MROH2A: variants seen among roughly 807,000 people sequenced by gnomAD.
MROH2A encodes the protein maestro heat like repeat family member 2A, also known as maestro heat-like repeat-containing protein family member 2A.
A neutral mutation model predicts 200.4 loss-of-function variants in MROH2A; 174 were observed. The ratio of observed to expected loss-of-function variants is 0.87; its 90% CI spans 0.77 to 0.98. The LOEUF is 0.98. MROH2A is among the 50% of genes least tolerant of loss of function. The pLI, the probability that MROH2A is intolerant of heterozygous loss-of-function variation, is 0.00. For missense variants in MROH2A, 2,045 were observed against 2,139.6 expected (o/e 0.96, Z 0.87); for synonymous variants, 829 against 840.4 (o/e 0.99, Z 0.23).
chr2:233,801,620 C>G (rs563585193), intron 14 of MROH2A, among the ~76,000 whole-genome samples: 1 of 152,154 alleles, frequency 6.6e-6, no homozygotes, highest in Non-Finnish European at 1.5e-5. Flanking sequence ...GAAATCCCAG[C>G]GTTTCACTCT....
chr2:233,788,723 G>T (rs550868399), intron 3 of MROH2A, among the ~76,000 whole-genome samples: 1 of 151,828 alleles, frequency 6.6e-6, no homozygotes, highest in East Asian at 1.9e-4. Flanking sequence ...AGATCACGAG[G>T]TCAGGAGATG....
Position 233,798,843 on chromosome 2 carries a change from G to C in MROH2A, c.1322G>C (p.Arg441Pro), listed in dbSNP as rs771127390. 3.9e-6 allele frequency: 6 copies of C among 1,549,976 alleles called. No homozygotes were observed. The African/African-American group carries it at 6.8e-5, about 18-fold the overall frequency. ...GTCAAGAACACCATCTCTGATACCC[G>C]GTCCAAGGTAACAGGGCAGAGACCT... ...RVVKNTISDTRSKVRMAILHI... is the reference protein window; with the variant it reads ...RVVKNTISDTPSKVRMAILHI... Residue 441 changes from arginine (R) to proline (P), a missense_variant, in exon 12 of 42, where the codon CGG becomes CCG. Physicochemically the swap from Arg to Pro is moderately radical, Grantham distance 103. This residue lies in a region of MROH2A where 831 missense variants were observed against 800.0 expected (regional missense o/e 1.04). Coordinates refer to ENST00000389758, the MANE Select transcript of MROH2A (RefSeq NM_001394639.1).
rs1431284765 is a variant in MROH2A at position 233,816,267 on chromosome 2, G to A, written c.2857-514G>A. ...CTGTCTTTTTGTTCTATCAATTATTGAGAAAAAGGCACTGAAATCTCTGAC... is the reference window on the plus strand; with the variant it reads ...CTGTCTTTTTGTTCTATCAATTATTAAGAAAAAGGCACTGAAATCTCTGAC... On this transcript the variant is annotated intron_variant, in intron 26 of 41. Coordinates refer to ENST00000389758, the MANE Select transcript of MROH2A (RefSeq NM_001394639.1). Among the ~76,000 whole-genome samples, 3 of 152,096 alleles carry A rather than the reference G, an allele frequency of 2.0e-5. No individual in the cohort carries two copies. The South Asian group carries it at 6.2e-4, about 32-fold the overall frequency.
In MROH2A at chr2:233,809,176, G is replaced by T; in HGVS notation, c.2346G>T (p.Met782Ile). ...RETVKSALMV[M>I]YSCVASYCHP... ...CAGTGAAAAGTGCCCTCATGGTGAT[G>T]TATAGCTGCGTGGCCTCCTACTGCC... The change falls in exon 22 of 42, where the codon ATG becomes ATT. Residue 782 changes from methionine to isoleucine, a missense_variant. Physicochemically the swap from Met to Ile is conservative, Grantham distance 10 (BLOSUM62 1). This residue lies in a region of MROH2A where 1,201 missense variants were observed against 1,311.3 expected (regional missense o/e 0.92). Coordinates refer to ENST00000389758, the MANE Select transcript of MROH2A (RefSeq NM_001394639.1). The T allele has an allele frequency of 1.9e-6, 3 of 1,550,576 alleles. No individual in the cohort carries two copies. Among genetic ancestry groups the T allele is most frequent in the Non-Finnish European group, 2.6e-6 (3 of 1,146,974 alleles).
In MROH2A at chr2:233,828,677, A is replaced by G; in HGVS notation, c.4161A>G (p.Ala1387=). Residue 1387 remains alanine (A), a synonymous_variant, in exon 36 of 42, where the codon GCA becomes GCG. Coordinates refer to ENST00000389758, the MANE Select transcript of MROH2A (RefSeq NM_001394639.1). This position sits in a 1 kb window ranked among gnomAD's most constrained non-coding sequence, Gnocchi z 4.6. The part of the protein sequence containing the change: ...VLYQEKLLKP[A]ALLLEKGADQ... ...ACCAGGAGAAGCTGCTGAAGCCGGCAGCTTTGCTGCTGGAGAAGGGTGCCG... is the reference window on the plus strand; with the variant it reads ...ACCAGGAGAAGCTGCTGAAGCCGGCGGCTTTGCTGCTGGAGAAGGGTGCCG... 6.4e-7 allele frequency: 1 copy of G among 1,550,742 alleles called. No homozygotes were observed. The highest frequency in any genetic ancestry group is 8.7e-7 in the Non-Finnish European group (1 of 1,147,030).
chr2:233,812,969 A>G (rs1703270426), intron 24 of MROH2A, among the ~76,000 whole-genome samples: 1 of 152,204 alleles, frequency 6.6e-6, no homozygotes, highest in South Asian at 2.1e-4. Context: ...CTAGGGGCAC[A>G]ATAGAACTCA....
chr2:233,791,772 C>G (rs1701778575), intron 5 of MROH2A, among the ~76,000 whole-genome samples: 1 of 151,932 alleles, frequency 6.6e-6, no homozygotes, highest in Non-Finnish European at 1.5e-5. Context: ...GCCAAGGGGT[C>G]CAGTGAGATA....
upstream of MROH2A, among the ~76,000 whole-genome samples, chr2:233,777,842 T>C (rs1700754805): frequency 6.6e-6 from 1 of 152,270 alleles, no homozygotes; most frequent in Non-Finnish European, 1.5e-5. Context: ...GGAAATCCTT[T>C]GGGCTCCACT....
chr2:233,808,889 C>T (rs2126141933), intron 21 of MROH2A, among the ~76,000 whole-genome samples: 1 of 152,334 alleles, frequency 6.6e-6, no homozygotes, highest in East Asian at 1.9e-4. Flanking sequence ...CCTAGTCTGT[C>T]TTGCTCATTA....
Position 233,787,743 on chromosome 2 carries a change from TATATATATTATATATATCATATATAC to T in MROH2A, c.277-1728_277-1703del, listed in dbSNP as rs1701342304. On this transcript the variant is annotated intron_variant, in intron 3 of 41. Transcript: ENST00000389758. ...ATATATATCATATATACATATATATTATATATATTATATATATCATATATACATATATATTATATATATCATATATA... is the reference window on the plus strand; with the variant it reads ...ATATATATCATATATACATATATATTATATATATTATATATATCATATATA... Among the ~76,000 whole-genome samples the T allele has an allele frequency of 7.6e-4, 33 of 43,268 alleles. 8 individuals are homozygous for T. Among genetic ancestry groups the T allele is most frequent in the South Asian group, 6.6e-3 (7 of 1,058 alleles). The allele number at this position is 43,268 out of a possible 152,430, so 28.4% of individuals were successfully genotyped here.
chr2:233,813,879 G>T, intron 25 of MROH2A, 101 bp downstream of exon 25: 1 of 614,358 alleles, frequency 1.6e-6, no homozygotes, highest in Non-Finnish European at 2.9e-6. Context: ...ACCTTTGAGT[G>T]TTTAGAGGCA....
rs1036039952 is a variant in MROH2A, at chr2:233,789,588, T to G, written c.368T>G (p.Leu123Arg). The G allele has an allele frequency of 6.7e-7, 1 of 1,492,790 alleles. No homozygotes were observed. The highest frequency in any genetic ancestry group is 2.4e-5 in the Admixed American group (1 of 42,068). The allele number at this position is 1,492,790 out of a possible 1,614,324, so 92.5% of individuals were successfully genotyped here. A position where few individuals can be genotyped will look rare whatever the true frequency, so the allele number is the denominator to read the frequency against. ...CTGGAGGAGCAGTGCGTGCAGAGGC[T>G]GGTGGCCATTGCCTCCAAGGAGATG... Reference protein sequence around the residue: ...GELEEQCVQRLVAIASKEMRE... With the variant: ...GELEEQCVQRRVAIASKEMRE... The change falls in exon 4 of 42, where the codon CTG becomes CGG. Residue 123 changes from leucine to arginine, a missense_variant. Transcript: ENST00000389758.
intron 14 of MROH2A, among the ~76,000 whole-genome samples, chr2:233,801,628 T>TCTTAAGGCGTTTCACC (rs1702478523): frequency 2.6e-5 from 4 of 152,162 alleles, no homozygotes; most frequent in Non-Finnish European, 5.9e-5. Context: ...AGCGTTTCAC[T>TCTTAAGGCGTTTCACC]CTTAAGGCGT....
At chr2:233,826,729 A>G (rs1704335177) in intron 35 of MROH2A, among the ~76,000 whole-genome samples, 1 of 152,242 alleles carries the variant, frequency 6.6e-6, no homozygotes, top group Admixed American at 6.5e-5. Flanking sequence ...ATTGGGATCT[A>G]ATTAAACTAA....
intron 8 of MROH2A, 77 bp downstream of exon 8, chr2:233,794,583 G>T: frequency 1.3e-6 from 1 of 750,536 alleles, no homozygotes; most frequent in Non-Finnish European, 2.2e-6. Context: ...AAGGGGATGA[G>T]TGGGAGCCGG....
chr2:233,785,530 A>G (rs1432337496), intron 3 of MROH2A, among the ~76,000 whole-genome samples: 6 of 151,702 alleles, frequency 4.0e-5, no homozygotes, highest in Non-Finnish European at 8.8e-5. Context: ...GGGGCCAACC[A>G]TGCCATGCAG....
chr2:233,824,328 T>TG (rs34492976), intron 35 of MROH2A, among the ~76,000 whole-genome samples: 40,006 of 152,114 alleles, frequency 0.26, 5,432 homozygotes, highest in Middle Eastern at 0.34. Context: ...CACTTAAAAA[T>TG]GGGAAAATGA....
chr2:233,797,490 T>C (rs1702191338), intron 11 of MROH2A, among the ~76,000 whole-genome samples: 1 of 152,222 alleles, frequency 6.6e-6, no homozygotes, highest in African/African-American at 2.4e-5. Flanking sequence ...GTCAATCCAC[T>C]TTTTGTGGAA....
At chr2:233,776,018 T>C (rs1331332873), upstream of MROH2A, among the ~76,000 whole-genome samples, 1 of 152,180 alleles carries the variant, frequency 6.6e-6, no homozygotes, top group Admixed American at 6.5e-5. Flanking sequence ...TCTGCCATGA[T>C]TGTGAGGCCT....
Sources: gnomAD v4.1 joint callset for allele counts (sites outside exome capture counted in the v4.1 genomes callset) on GRCh38, gnomAD v4.1.1 for gene constraint, gnomAD v4.1.1 regional missense constraint, Gnocchi (gnomAD v3.1) non-coding constraint, MANE v1.5 for transcripts, NCBI Gene and HGNC (gene_info 2026-07-23, HGNC 2026-07-21) for gene names.